The following COP1 variants were observed in gnomAD, a reference collection of about 807,000 sequenced individuals.
COP1 encodes the protein COP1 E3 ubiquitin ligase.
Under a neutral mutation model 101.3 loss-of-function variants are expected in COP1, and 24 were observed. That is an observed-to-expected ratio of 0.24 (90% CI 0.17 to 0.33). The LOEUF is 0.33. Among genes scored for constraint, COP1 ranks in the 10% least tolerant of loss-of-function variants. The pLI, the probability that COP1 is intolerant of heterozygous loss-of-function variation, is 1.00. For synonymous variants in COP1, 347 were observed against 341.9 expected (o/e 1.01, Z -0.17); for missense variants, 663 against 906.2 (o/e 0.73, Z 3.45).
intron 15 of COP1, among the ~76,000 whole-genome samples, chr1:176,004,476 A>T (rs9699892): frequency 0.86 from 112,587 of 131,526 alleles, 50,488 homozygotes; most frequent in Non-Finnish European, 0.98. Flanking sequence ...CAGTATGATA[A>T]TGGCTGTGGG....
chr1:176,004,943 G>T (rs1016768778), intron 15 of COP1, among the ~76,000 whole-genome samples: 9 of 151,724 alleles, frequency 5.9e-5, no homozygotes, highest in African/African-American at 2.2e-4. Context: ...GTTCCTCCTT[G>T]TACCTCTGGT....
At chr1:176,005,294 A>C (rs539504918) in intron 15 of COP1, among the ~76,000 whole-genome samples, 23 of 152,174 alleles carry the variant, frequency 1.5e-4, no homozygotes, top group African/African-American at 3.6e-4. Flanking sequence ...TGATCCTTTC[A>C]AAAAACCAGC....
chr1:176,008,494 G>C (rs1284689359), intron 15 of COP1, among the ~76,000 whole-genome samples: 1 of 152,074 alleles, frequency 6.6e-6, no homozygotes, highest in African/African-American at 2.4e-5. Context: ...TTCTCTATTT[G>C]ATAAAGTATA....
intron 9 of COP1, among the ~76,000 whole-genome samples, chr1:176,086,974 T>A (rs983700173): frequency 3.1e-4 from 47 of 152,170 alleles, no homozygotes; most frequent in Non-Finnish European, 5.1e-4. Flanking sequence ...AACCATTTGA[T>A]CTTTGACAAA....
At chr1:176,068,486 G>GTT (rs1676399697) in intron 11 of COP1, among the ~76,000 whole-genome samples, 4 of 152,346 alleles carry the variant, frequency 2.6e-5, no homozygotes, top group South Asian at 4.1e-4. Context: ...TAGTAAGTCT[G>GTT]AAAGGGTAAG....
At chr1:176,016,574 T>C (rs1480167081) in intron 15 of COP1, among the ~76,000 whole-genome samples, 2 of 152,202 alleles carry the variant, frequency 1.3e-5, no homozygotes, top group Non-Finnish European at 2.9e-5. Flanking sequence ...TCTCTCTCTC[T>C]TTCCCTCCCT....
intron 1 of COP1, chr1:176,206,312 A>AG (rs1700845989): frequency 2.1e-6 from 1 of 487,682 alleles, no homozygotes; most frequent in African/African-American, 2.0e-5. Flanking sequence ...TCATTCGTTA[A>AG]ACTCCCTTCA....
chr1:176,055,614 T>TA (rs1352032834), intron 11 of COP1, among the ~76,000 whole-genome samples: 1 of 152,174 alleles, frequency 6.6e-6, no homozygotes, highest in African/African-American at 2.4e-5. Flanking sequence ...CTCTCTACAC[T>TA]ACTGCCTCAT....
rs765055146 is a variant in COP1, at chr1:175,951,437, A to AATATATATATATATATATAT, written c.2134-4218_2134-4199dup. On this transcript the variant is annotated intron_variant, in intron 18 of 19. Transcript: ENST00000367669. ...AATGTATTTAAATATAAGATACGTG[A>AATATATATATATATATATAT]ATATATATATATATATATATATATA... Among the ~76,000 whole-genome samples the AATATATATATATATATATAT allele has an allele frequency of 5.7e-3, 609 of 107,698 alleles. 11 individuals carry two copies. The highest frequency in any genetic ancestry group is 0.02 in the African/African-American group (570 of 29,036). 70.7% of individuals were successfully genotyped at this position (107,698 alleles called of 152,430 possible). A position where few individuals can be genotyped will look rare whatever the true frequency, so the allele number is the denominator to read the frequency against.
At chr1:176,173,295 T>C (rs1352135582) in intron 3 of COP1, among the ~76,000 whole-genome samples, 1 of 122,038 alleles carries the variant, frequency 8.2e-6, no homozygotes, top group South Asian at 2.7e-4. Flanking sequence ...TGGGTGACAG[T>C]GCGAGACTTT....
Position 176,165,361 on chromosome 1 carries a change from C to CGTGTGTGTGTGTGT in COP1, c.566-1484_566-1471dup, listed in dbSNP as rs34291468. 4.8e-3 allele frequency among the ~76,000 whole-genome samples: 634 copies of CGTGTGTGTGTGTGT among 132,114 alleles called. 4 individuals carry two copies. The highest frequency in any genetic ancestry group is 6.2e-3 in the Admixed American group (81 of 13,038). 86.7% of individuals were successfully genotyped at this position (132,114 alleles called of 152,430 possible). On this transcript the variant is annotated intron_variant, in intron 3 of 19. Coordinates refer to ENST00000367669, the MANE Select transcript of COP1 (RefSeq NM_022457.7). The stretch of plus-strand genomic sequence containing the variant: ...GTGAGAGAGAGAGAGAGATGTGTGT[C>CGTGTGTGTGTGTGT]GTGTGTGTGTGTGTGTGTGTGTGTG...
chr1:175,967,721 A>T (rs1476774676), intron 18 of COP1, among the ~76,000 whole-genome samples: 1 of 152,202 alleles, frequency 6.6e-6, no homozygotes, highest in Non-Finnish European at 1.5e-5. Context: ...AAAATTACAT[A>T]AACTGGATTT....
intron 3 of COP1, among the ~76,000 whole-genome samples, chr1:176,171,377 C>A (rs1696035746): frequency 6.6e-6 from 1 of 152,186 alleles, no homozygotes; most frequent in Non-Finnish European, 1.5e-5. Context: ...TGAGCCTTCA[C>A]AGAATTTAGG....
intron 11 of COP1, among the ~76,000 whole-genome samples, chr1:176,048,058 G>A (rs1671814820): frequency 6.6e-6 from 1 of 151,886 alleles, no homozygotes; most frequent in African/African-American, 2.4e-5. Flanking sequence ...GGGTGACACA[G>A]CAAGACCCTG....
At position 175,966,837 on chromosome 1, in the gene COP1, G is replaced by A. The variant is rs529282624; in HGVS notation, c.2134-19598C>T. Among the ~76,000 whole-genome samples the A allele has an allele frequency of 7.9e-5, 12 of 152,218 alleles. No individual in the cohort carries two copies. In the East Asian group the frequency reaches 2.1e-3, roughly 27 times the overall value. On this transcript the variant is annotated intron_variant, in intron 18 of 19. Coordinates refer to ENST00000367669, the MANE Select transcript of COP1 (RefSeq NM_022457.7). ...TAATATCAACAGAGGAAAAGGCTTG[G>A]CCACAGAACCAAAGTGGTAAAGAGT...
chr1:176,203,442 T>G (rs1173732788), intron 1 of COP1, among the ~76,000 whole-genome samples: 2 of 152,208 alleles, frequency 1.3e-5, no homozygotes, highest in South Asian at 2.1e-4. Flanking sequence ...GTAGAAAACT[T>G]CATTTGAGAT....
At chr1:176,140,315 A>C (rs2149769245) in intron 6 of COP1, among the ~76,000 whole-genome samples, 1 of 152,338 alleles carries the variant, frequency 6.6e-6, no homozygotes, top group Non-Finnish European at 1.5e-5. Context: ...TAATGAAGGC[A>C]TGGTGTTGTC....
chr1:176,017,711 G>A (rs1665919218), intron 15 of COP1: 1 of 152,186 alleles, frequency 6.6e-6, no homozygotes, highest in African/African-American at 2.4e-5. Flanking sequence ...TTTTAGTAGA[G>A]ATGAAGTTTC....
intron 11 of COP1, among the ~76,000 whole-genome samples, chr1:176,048,217 G>GTTTT (rs1671857697): frequency 1.2e-5 from 1 of 86,766 alleles, no homozygotes. Context: ...TTTTTTTACA[G>GTTTT]AGATGGGGTC....
Sources: gnomAD v4.1 joint callset for allele counts (sites outside exome capture counted in the v4.1 genomes callset) on GRCh38, gnomAD v4.1.1 for gene constraint, MANE v1.5 for transcripts, NCBI Gene and HGNC (gene_info 2026-07-23, HGNC 2026-07-21) for gene names.